The following ZNF250 variants were observed in gnomAD, a reference collection of about 807,000 sequenced individuals.
The protein encoded by ZNF250 is zinc finger protein 250.
A neutral mutation model predicts 37.1 loss-of-function variants in ZNF250; 13 were observed. The ratio of observed to expected loss-of-function variants is 0.35; its 90% CI spans 0.23 to 0.56. ZNF250 has a LOEUF of 0.56. ZNF250 is among the 20% of genes least tolerant of loss of function. The pLI is 0.87. For missense variants in ZNF250, 474 were observed against 697.9 expected (o/e 0.68, Z 3.61); for synonymous variants, 251 against 265.6 (o/e 0.94, Z 0.54).
In ZNF250 at chr8:144,897,996, G is replaced by T. The variant is rs1168165030; in HGVS notation, c.-55+3403C>A. On this transcript the variant is annotated intron_variant, in intron 1 of 5. Transcript: ENST00000417550. The surrounding 1 kb of genome is among the most constrained non-coding windows in gnomAD (Gnocchi z 5.2). ...CCAGCGTGGGCATTATGGCCATCAT[G>T]AACATTTCACGGTGCTACAGAGATT... Among the ~76,000 whole-genome samples the T allele has an allele frequency of 5.3e-5, 8 of 152,176 alleles. No individual in the cohort carries two copies. Among genetic ancestry groups the T allele is most frequent in the Non-Finnish European group, 1.2e-4 (8 of 68,036 alleles).
At position 144,881,944 on chromosome 8, in the gene ZNF250, G is replaced by T. The variant is rs144155533; in HGVS notation, c.1239C>A (p.Thr413=). The change falls in exon 6 of 6, where the codon ACC becomes ACA. Residue 413 remains threonine, a synonymous_variant. Transcript: ENST00000417550. The part of the protein sequence containing the change: ...STLMNHERIH[T]EEKPYACYEC... ...CGTAGCATGCATAGGGCTTTTCCTC[G>T]GTGTGGATCCGCTCGTGATTCATCA... is the stretch of plus-strand genomic sequence containing the variant. 6.2e-7 allele frequency: 1 copy of T among 1,613,206 alleles called. No homozygotes were observed. The highest frequency in any genetic ancestry group is 1.7e-5 in the Admixed American group (1 of 59,960).
intron 1 of ZNF250, among the ~76,000 whole-genome samples, chr8:144,896,915 G>A (rs953945820): frequency 4.6e-5 from 7 of 152,160 alleles, no homozygotes; most frequent in Non-Finnish European, 1.0e-4. Context: ...TTACAAAGGT[G>A]GCAGCATAAG....
At chr8:144,893,109 C>G (rs563859400) in intron 1 of ZNF250, among the ~76,000 whole-genome samples, 1 of 151,962 alleles carries the variant, frequency 6.6e-6, no homozygotes, top group Non-Finnish European at 1.5e-5. Context: ...GTGATCCACC[C>G]GCCTTGGCCT....
At position 144,880,331 on chromosome 8, in the gene ZNF250, G is replaced by C. The variant is rs1704012024; in HGVS notation, c.*1184C>G. 2.4e-6 allele frequency: 1 copy of C among 418,180 alleles called. No individual in the cohort carries two copies. Among genetic ancestry groups the C allele is most frequent in the South Asian group, 1.7e-5 (1 of 60,550 alleles). The allele number at this position is 418,180 out of a possible 1,614,324, so 25.9% of individuals were successfully genotyped here. On this transcript the variant is annotated 3_prime_UTR_variant, in exon 6 of 6. Coordinates refer to ENST00000417550, the MANE Select transcript of ZNF250 (RefSeq NM_001109689.4). ...GAACAGTATTTTCAGCATTGTTTTGGGGGAAATACCATAAGATGTAAAGAG... is the reference window on the plus strand; with the variant it reads ...GAACAGTATTTTCAGCATTGTTTTGCGGGAAATACCATAAGATGTAAAGAG...
chr8:144,888,970 G>A (rs975161410), intron 4 of ZNF250, among the ~76,000 whole-genome samples: 6 of 152,018 alleles, frequency 3.9e-5, no homozygotes, highest in Admixed American at 6.6e-5. Context: ...GGGTTTCACC[G>A]TGTTAGCCAG....
rs572650952 is a variant in ZNF250, at chr8:144,890,232, T to C, written c.42+76A>G. ...CATGTGGTGACGCTCTGGCTGCTCT[T>C]AGGAGCTCTACGGGGCACGGAAGGA... On this transcript the variant is annotated intron_variant, in intron 2 of 5. Coordinates refer to ENST00000417550, the MANE Select transcript of ZNF250 (RefSeq NM_001109689.4). The surrounding 1 kb of genome is among the most constrained non-coding windows in gnomAD (Gnocchi z 5.1). 6.6e-6 allele frequency: 10 copies of C among 1,513,098 alleles called. No homozygotes were observed. In the African/African-American group the frequency reaches 9.6e-5, roughly 15 times the overall value. The allele number at this position is 1,513,098 out of a possible 1,614,324, so 93.7% of individuals were successfully genotyped here.
At position 144,891,627 on chromosome 8, in the gene ZNF250, G is replaced by A. The variant is rs1046159646; in HGVS notation, c.-54-1224C>T. On this transcript the variant is annotated intron_variant, in intron 1 of 5. Coordinates refer to ENST00000417550, the MANE Select transcript of ZNF250 (RefSeq NM_001109689.4). This position sits in a 1 kb window ranked among gnomAD's most constrained non-coding sequence, Gnocchi z 4.0. ...AGCACTTTGGGAGGCCGAGGCAGGC[G>A]GATCACCCGAGGTTGGGAGTTCGAG... is the stretch of plus-strand genomic sequence containing the variant. 6.6e-6 allele frequency among the ~76,000 whole-genome samples: 1 copy of A among 152,028 alleles called. No individual in the cohort carries two copies. Among genetic ancestry groups the A allele is most frequent in the Non-Finnish European group, 1.5e-5 (1 of 68,008 alleles).
At position 144,889,655 on chromosome 8, in the gene ZNF250, T is replaced by G; in HGVS notation, c.209A>C (p.Glu70Ala). The change falls in exon 4 of 6, where the codon GAG (glutamate) becomes GCG (alanine). Residue 70 changes from glutamate (E) to alanine (A), a missense_variant. By Grantham distance (107) the Glu-to-Ala change is moderately radical. Coordinates refer to ENST00000417550, the MANE Select transcript of ZNF250 (RefSeq NM_001109689.4). ...GSKPDIISQL[E>A]RGEDPWVLDR... ...CAGGACCCAGGGATCTTCCCCTCGC[T>G]CCAGCTGGGAGATTATGTCAGGCTT... The G allele has an allele frequency of 2.5e-6, 4 of 1,613,912 alleles. No individual in the cohort carries two copies. Among genetic ancestry groups the G allele is most frequent in the Non-Finnish European group, 3.4e-6 (4 of 1,179,864 alleles).
intron 5 of ZNF250, among the ~76,000 whole-genome samples, chr8:144,885,584 C>T (rs1457448070): frequency 6.6e-6 from 1 of 152,150 alleles, no homozygotes. Flanking sequence ...CCTGTCTCAG[C>T]CTCCATGTGG....
intron 5 of ZNF250, among the ~76,000 whole-genome samples, chr8:144,885,295 A>G (rs1390750162): frequency 1.3e-5 from 2 of 151,808 alleles, no homozygotes; most frequent in African/African-American, 4.8e-5. Context: ...AATTTTTTGT[A>G]TTTTTAGTAG....
At chr8:144,894,605 T>A (rs893032753) in intron 1 of ZNF250, among the ~76,000 whole-genome samples, 7 of 150,894 alleles carry the variant, frequency 4.6e-5, no homozygotes, top group African/African-American at 7.3e-5. Context: ...TTTTTTTTTT[T>A]AATTACTTCT....
chr8:144,897,237 GCTC>G lies in ZNF250; in HGVS notation c.-55+4159_-55+4161del, dbSNP rs1832783135. Among the ~76,000 whole-genome samples, 1 of 152,112 alleles carries G rather than the reference GCTC, an allele frequency of 6.6e-6. No individual in the cohort carries two copies. Among genetic ancestry groups the G allele is most frequent in the African/African-American group, 2.4e-5 (1 of 41,420 alleles). On this transcript the variant is annotated intron_variant, in intron 1 of 5. Coordinates refer to ENST00000417550, the MANE Select transcript of ZNF250 (RefSeq NM_001109689.4). The surrounding 1 kb of genome is among the most constrained non-coding windows in gnomAD (Gnocchi z 5.2). ...TCCTCCAGGGCCACTGCCTTCTCCT[GCTC>G]CTCATCATCCTCACTCCCTGGACTT... is the stretch of plus-strand genomic sequence containing the variant.
intron 4 of ZNF250, among the ~76,000 whole-genome samples, chr8:144,887,842 G>A (rs1832003341): frequency 6.6e-6 from 1 of 152,232 alleles, no homozygotes; most frequent in Non-Finnish European, 1.5e-5. Flanking sequence ...AGGCTGGCAT[G>A]TACCTTGTTC....
Position 144,889,640 on chromosome 8 carries a change from G to A in ZNF250, c.224C>T (p.Pro75Leu). The A allele has an allele frequency of 6.2e-7, 1 of 1,613,948 alleles. No individual in the cohort carries two copies. The highest frequency in any genetic ancestry group is 8.5e-7 in the Non-Finnish European group (1 of 1,179,874). The change falls in exon 4 of 6, where the codon CCC becomes CTC. Residue 75 changes from proline to leucine, a missense_variant. By Grantham distance (98) the Pro-to-Leu change is moderately conservative (BLOSUM62 -3). This residue lies in a region of ZNF250 where 192 missense variants were observed against 227.5 expected (regional missense o/e 0.84). Coordinates refer to ENST00000417550, the MANE Select transcript of ZNF250 (RefSeq NM_001109689.4). ...AGCCCCCTTCCTGTCCAGGACCCAG[G>A]GATCTTCCCCTCGCTCCAGCTGGGA... The part of the protein sequence containing the change: ...IISQLERGED[P>L]WVLDRKGAKK...
rs1831274554 is a variant in ZNF250 at position 144,878,807 on chromosome 8, C to G, written c.*2708G>C. 6.6e-6 allele frequency: 1 copy of G among 152,212 alleles called. No individual in the cohort carries two copies. 9.4% of individuals were successfully genotyped at this position (152,212 alleles called of 1,614,324 possible). ...AAGAATTACCTCAATGATCTAATCT[C>G]TAAAGTAATACCTTAGTGATCCCAT... On this transcript the variant is annotated 3_prime_UTR_variant, in exon 6 of 6. Transcript: ENST00000417550.
rs189438181 is a variant in ZNF250 at position 144,894,880 on chromosome 8, T to G, written c.-54-4477A>C. Among the ~76,000 whole-genome samples, 16 of 151,858 alleles carry G rather than the reference T, an allele frequency of 1.1e-4. No individual in the cohort carries two copies. The East Asian group carries it at 3.1e-3, about 29-fold the overall frequency. The stretch of plus-strand genomic sequence containing the variant: ...GGTCTTGCTGTGTTGCCCAGACTGG[T>G]CTTGAACTCCTAGGCTCAAGGGATC... On this transcript the variant is annotated intron_variant, in intron 1 of 5. Transcript: ENST00000417550.
Position 144,882,814 on chromosome 8 carries a change from ACT to A in ZNF250, c.367_368del (p.Gln124LysfsTer26). ...GCTTCGGACTCAAGTCTGTATTTTG[ACT>A]CTCTCCCTTGGTTTCACATTCTGAA... ...CPWECETKGE[S>X]QNTDLSPKPL... On this transcript the variant is annotated frameshift_variant, in exon 6 of 6. Coordinates refer to ENST00000417550, the MANE Select transcript of ZNF250 (RefSeq NM_001109689.4). LOFTEE classifies it low-confidence loss of function (END_TRUNC). The surrounding 1 kb of genome is among the most constrained non-coding windows in gnomAD (Gnocchi z 5.5). 3 of 1,610,096 alleles carry A rather than the reference ACT, an allele frequency of 1.9e-6. No homozygotes were observed. Among genetic ancestry groups the A allele is most frequent in the Non-Finnish European group, 2.5e-6 (3 of 1,178,050 alleles).
intron 5 of ZNF250, among the ~76,000 whole-genome samples, chr8:144,885,712 GTTCT>G (rs1366960741): frequency 6.6e-6 from 1 of 152,060 alleles, no homozygotes; most frequent in Non-Finnish European, 1.5e-5. Flanking sequence ...AGAAGTTTTA[GTTCT>G]TTCTTTTTTT....
At position 144,882,952 on chromosome 8, in the gene ZNF250, T is replaced by A; in HGVS notation, c.347-116A>T. The A allele has an allele frequency of 8.8e-7, 1 of 1,135,526 alleles. No individual in the cohort carries two copies. The highest frequency in any genetic ancestry group is 1.3e-6 in the Non-Finnish European group (1 of 791,582). 70.3% of individuals were successfully genotyped at this position (1,135,526 alleles called of 1,614,324 possible). A position where few individuals can be genotyped will look rare whatever the true frequency, so the allele number is the denominator to read the frequency against. ...CAAAATCCCTCAATGCACACGTTGG[T>A]GTGAGCTACAGAAGAACAGAACCAC... On this transcript the variant is annotated intron_variant, in intron 5 of 5. Coordinates refer to ENST00000417550, the MANE Select transcript of ZNF250 (RefSeq NM_001109689.4). This position sits in a 1 kb window ranked among gnomAD's most constrained non-coding sequence, Gnocchi z 5.5.
Sources: gnomAD v4.1 joint callset for allele counts (sites outside exome capture counted in the v4.1 genomes callset) on GRCh38, gnomAD v4.1.1 for gene constraint, gnomAD v4.1.1 regional missense constraint, Gnocchi (gnomAD v3.1) non-coding constraint, MANE v1.5 for transcripts, NCBI Gene and HGNC (gene_info 2026-07-23, HGNC 2026-07-21) for gene names.